Variants in TENM4 observed in about 807,000 individuals in gnomAD.
The protein encoded by TENM4 is teneurin-4.
In TENM4, 82 loss-of-function variants were observed where a neutral mutation model predicts 243.3. The ratio of observed to expected loss-of-function variants is 0.34; its 90% CI spans 0.28 to 0.40. TENM4 has a LOEUF of 0.40. TENM4 is among the 10% of genes least tolerant of loss of function. The pLI is 1.00. For missense variants in TENM4, 3,138 were observed against 3,673.3 expected, an observed-to-expected ratio of 0.85 and a Z score of 3.77; for synonymous variants, 1,412 against 1,456.3, an observed-to-expected ratio of 0.97 and a Z score of 0.69.
intron 1 of TENM4, among the ~76,000 whole-genome samples, chr11:79,408,381 G>A (rs968570034): frequency 1.3e-5 from 2 of 152,200 alleles, no homozygotes; most frequent in African/African-American, 4.8e-5. Context: ...TTATGAGTTC[G>A]TGGGCTTTAG....
chr11:79,348,665 GAGA>G (rs776210750), intron 1 of TENM4, among the ~76,000 whole-genome samples: 1 of 152,182 alleles, frequency 6.6e-6, no homozygotes, highest in Non-Finnish European at 1.5e-5. Context: ...GCAAGCTGGG[GAGA>G]AGGTCTTCAG....
rs189372243 is a variant in TENM4, at chr11:79,420,061, C to T, written c.-321+20448G>A. Among the ~76,000 whole-genome samples the T allele has an allele frequency of 4.7e-3, 713 of 152,304 alleles. 11 individuals are homozygous for T. The highest frequency in any genetic ancestry group is 0.017 in the Middle Eastern group (5 of 294). ...AGATTTAAATATTTTGAATCCAACC[C>T]ACTGTGTTCTCTTTGTTCCATATAT... On this transcript the variant is annotated intron_variant, in intron 1 of 33. Coordinates refer to ENST00000278550, the MANE Select transcript of TENM4 (RefSeq NM_001098816.3).
chr11:79,250,891 G>T (rs1169957418), intron 2 of TENM4, among the ~76,000 whole-genome samples: 1 of 152,176 alleles, frequency 6.6e-6, no homozygotes, highest in African/African-American at 2.4e-5. Flanking sequence ...CTTGAAAGAG[G>T]TTTAAAATGA....
At chr11:78,989,467 C>A (rs1190242939) in intron 6 of TENM4, among the ~76,000 whole-genome samples, 1 of 152,232 alleles carries the variant, frequency 6.6e-6, no homozygotes, top group Non-Finnish European at 1.5e-5. Flanking sequence ...CTCCATTTCA[C>A]ACAAATTTCT....
chr11:79,120,273 G>T (rs1162743426), intron 4 of TENM4, among the ~76,000 whole-genome samples: 1 of 152,192 alleles, frequency 6.6e-6, no homozygotes, highest in African/African-American at 2.4e-5. Flanking sequence ...AGATAGCTGA[G>T]GCTTTCTCTG....
At chr11:78,909,316 G>A (rs551102818) in intron 6 of TENM4, among the ~76,000 whole-genome samples, 8 of 152,128 alleles carry the variant, frequency 5.3e-5, no homozygotes, top group Non-Finnish European at 1.2e-4. Flanking sequence ...TACTTTCTAA[G>A]TACTTTGATT....
chr11:79,412,820 C>T (rs1162348409), intron 1 of TENM4, among the ~76,000 whole-genome samples: 7 of 152,232 alleles, frequency 4.6e-5, no homozygotes, highest in African/African-American at 1.4e-4. Flanking sequence ...CCATAACATT[C>T]TGTCTTACAA....
chr11:78,741,310 GA>G (rs139301535), intron 19 of TENM4, among the ~76,000 whole-genome samples: 108 of 146,996 alleles, frequency 7.3e-4, no homozygotes, highest in African/African-American at 2.4e-3. Flanking sequence ...ACCGACTTTT[GA>G]AAAAAAAAAG....
At chr11:79,001,098 C>T (rs952636991) in intron 6 of TENM4, among the ~76,000 whole-genome samples, 2 of 152,086 alleles carry the variant, frequency 1.3e-5, no homozygotes, top group African/African-American at 2.4e-5. Flanking sequence ...GCCTAAATGA[C>T]CCAATCAAAA....
At chr11:78,773,199 C>T (rs764521362) in intron 17 of TENM4, among the ~76,000 whole-genome samples, 42 of 152,324 alleles carry the variant, frequency 2.8e-4, no homozygotes, top group Admixed American at 5.2e-4. Flanking sequence ...TGACTGCTTT[C>T]TTTTGCTGTA....
At chr11:79,177,325 C>A (rs1863181982) in intron 3 of TENM4, among the ~76,000 whole-genome samples, 1 of 152,050 alleles carries the variant, frequency 6.6e-6, no homozygotes, top group Non-Finnish European at 1.5e-5. Flanking sequence ...TCTCTTTTCT[C>A]TTTTCTTTCT....
At chr11:79,277,910 C>T (rs2135357818) in intron 2 of TENM4, among the ~76,000 whole-genome samples, 1 of 152,232 alleles carries the variant, frequency 6.6e-6, no homozygotes, top group African/African-American at 2.4e-5. Flanking sequence ...GGGCAGAGAG[C>T]AAATTGAACA....
Position 79,094,971 on chromosome 11 carries a change from G to A in TENM4, c.-65-24962C>T, listed in dbSNP as rs1005196141. On this transcript the variant is annotated intron_variant, in intron 4 of 33. Transcript: ENST00000278550. ...GATCTGAGGCCAGACCCAGGACAGGGGCAGATCTGTCCCTTCTCCCCTGCA... is the reference window on the plus strand; with the variant it reads ...GATCTGAGGCCAGACCCAGGACAGGAGCAGATCTGTCCCTTCTCCCCTGCA... Among the ~76,000 whole-genome samples the A allele has an allele frequency of 2.6e-5, 4 of 152,210 alleles. No individual in the cohort carries two copies. The South Asian group carries it at 6.2e-4, about 24-fold the overall frequency.
chr11:78,720,440 C>G (rs781214256), intron 24 of TENM4, 50 bp from the exon 25 acceptor site: 33 of 1,606,752 alleles, frequency 2.1e-5, no homozygotes, highest in Non-Finnish European at 2.8e-5. Flanking sequence ...GAGGTGTTAG[C>G]AGCAGGGTTA....
rs188400040 is a variant in TENM4 at position 79,237,327 on chromosome 11, A to G, written c.-264-21418T>C. Among the ~76,000 whole-genome samples the G allele has an allele frequency of 8.5e-5, 13 of 152,318 alleles. No individual in the cohort carries two copies. In the East Asian group the frequency reaches 2.5e-3, roughly 29 times the overall value. On this transcript the variant is annotated intron_variant, in intron 2 of 33. Transcript: ENST00000278550. Reference sequence around the variant, plus strand: ...CCCACCACTGCCCTGATGCCCTGCTACAGTTCTGCTAATGCCTGGGAAATC... The same window carrying G: ...CCCACCACTGCCCTGATGCCCTGCTGCAGTTCTGCTAATGCCTGGGAAATC...
At chr11:79,166,638 C>T (rs1187098122) in intron 3 of TENM4, among the ~76,000 whole-genome samples, 1 of 152,184 alleles carries the variant, frequency 6.6e-6, no homozygotes, top group African/African-American at 2.4e-5. Flanking sequence ...AACTGAGGCA[C>T]AGAGAGAATG....
At chr11:79,332,860 G>T (rs1360818573) in intron 1 of TENM4, among the ~76,000 whole-genome samples, 8 of 152,090 alleles carry the variant, frequency 5.3e-5, no homozygotes, top group Non-Finnish European at 7.3e-5. Flanking sequence ...TGAGAGCAAT[G>T]TGAATCATTT....
chr11:78,836,631 C>T (rs1382917892), intron 12 of TENM4, among the ~76,000 whole-genome samples: 2 of 152,192 alleles, frequency 1.3e-5, no homozygotes, highest in Admixed American at 6.5e-5. Flanking sequence ...GAACAGCAGG[C>T]TCGAGTTTTC....
At chr11:79,160,069 C>G (rs1862708851) in intron 3 of TENM4, among the ~76,000 whole-genome samples, 2 of 152,096 alleles carry the variant, frequency 1.3e-5, no homozygotes, top group South Asian at 4.2e-4. Flanking sequence ...TTCATTCACT[C>G]CCTTCTCCAT....
Sources: allele counts gnomAD v4.1 joint callset (sites outside exome capture counted in the v4.1 genomes callset), GRCh38; gene constraint gnomAD v4.1.1; transcripts MANE v1.5; gene names NCBI Gene and HGNC (gene_info 2026-07-23, HGNC 2026-07-21).